IRAG2: variants seen among roughly 807,000 people sequenced by gnomAD.
IRAG2 encodes the protein inositol 1,4,5-triphosphate receptor associated 2.
IRAG2 carries 45 observed loss-of-function variants against 69.9 expected under a neutral mutation model. The ratio of observed to expected loss-of-function variants is 0.64; its 90% CI spans 0.51 to 0.83. The LOEUF (loss-of-function observed/expected upper bound fraction) is 0.83, where lower values mean the gene tolerates loss of function less well. Ranked by LOEUF, IRAG2 falls within the 40% of genes least tolerant of loss-of-function variation. IRAG2 has a pLI of 0.00. For missense variants in IRAG2, 520 were observed against 587.0 expected (o/e 0.89, Z 1.18); for synonymous variants, 193 against 202.4 (o/e 0.95, Z 0.40).
exon 14 of IRAG2, chr12:25,035,742 G>A (rs1157277833): frequency 2.5e-6 from 1 of 398,914 alleles, no homozygotes; most frequent in Non-Finnish European, 4.4e-6. Flanking sequence ...TACTAAGAGA[G>A]CCCGCACAGA....
chr12:25,090,313 A>G, intron 14 of IRAG2, 116 bp downstream of exon 14: 1 of 926,022 alleles, frequency 1.1e-6, no homozygotes. Context: ...AGACCAAGGC[A>G]GGAGGATCAC....
chr12:25,051,126 A>T (rs1168166893), upstream of IRAG2, among the ~76,000 whole-genome samples: 1 of 152,170 alleles, frequency 6.6e-6, no homozygotes, highest in Non-Finnish European at 1.5e-5. Flanking sequence ...CTCCTGTTAA[A>T]TGTTCCTGCC....
intron 4 of IRAG2, among the ~76,000 whole-genome samples, chr12:25,065,714 C>G (rs1045053239): frequency 6.6e-6 from 1 of 152,148 alleles, no homozygotes; most frequent in African/African-American, 2.4e-5. Flanking sequence ...CAGGGTCTCA[C>G]TTTGTCATTT....
chr12:25,004,678 A>T, exon 1 of IRAG2: 1 of 1,232,194 alleles, frequency 8.1e-7, no homozygotes, highest in Non-Finnish European at 1.0e-6. Flanking sequence ...ATACTCTGTT[A>T]TTCTCACAAG....
At chr12:25,008,854 A>G (rs1213195635) in intron 2 of IRAG2, among the ~76,000 whole-genome samples, 1 of 152,156 alleles carries the variant, frequency 6.6e-6, no homozygotes, top group African/African-American at 2.4e-5. Flanking sequence ...AGTATGTGTG[A>G]GAATGTTTTC....
intron 14 of IRAG2, among the ~76,000 whole-genome samples, chr12:25,096,406 G>A: frequency 6.6e-6 from 1 of 152,138 alleles, no homozygotes; most frequent in East Asian, 1.9e-4. Context: ...TGTTCATCAG[G>A]AAGGGCATCA....
At position 25,101,344 on chromosome 12, in the gene IRAG2, A is replaced by G; in HGVS notation, c.889+19A>G. On this transcript the variant is annotated intron_variant, in intron 16 of 21. Coordinates refer to ENST00000556887, the MANE Select transcript of IRAG2 (RefSeq NM_001366544.2). ...GATGATGGTAATAAAAGTTTATGAT[A>G]ATAGTATTAGTTGTGTTTTTCTACA... is the stretch of plus-strand genomic sequence containing the variant. 1 of 1,557,524 alleles carries G rather than the reference A, an allele frequency of 6.4e-7. No homozygotes were observed. Among genetic ancestry groups the G allele is most frequent in the Non-Finnish European group, 8.7e-7 (1 of 1,147,026 alleles).
chr12:25,087,240 T>C (rs899682760), intron 10 of IRAG2, among the ~76,000 whole-genome samples: 2 of 145,424 alleles, frequency 1.4e-5, no homozygotes, highest in Non-Finnish European at 3.0e-5. Context: ...TGATCTCGGT[T>C]CACTGCAACC....
At chr12:25,015,688 G>C (rs1436123800) in intron 5 of IRAG2, among the ~76,000 whole-genome samples, 1 of 152,154 alleles carries the variant, frequency 6.6e-6, no homozygotes, top group Non-Finnish European at 1.5e-5. Flanking sequence ...TTAATTTCCT[G>C]TGCTTTCTGT....
intron 9 of IRAG2, among the ~76,000 whole-genome samples, chr12:25,081,509 C>G (rs1947214764): frequency 6.6e-6 from 1 of 152,138 alleles, no homozygotes. Context: ...TGGTTGACAG[C>G]AGGTAACTGA....
chr12:25,104,193 G>C, intron 19 of IRAG2, 135 bp downstream of exon 19: 1 of 877,678 alleles, frequency 1.1e-6, no homozygotes, highest in South Asian at 1.7e-5. Flanking sequence ...TATATAAATT[G>C]GTATCTAATT....
intron 9 of IRAG2, among the ~76,000 whole-genome samples, chr12:25,082,845 G>C (rs1389610731): frequency 6.6e-6 from 1 of 152,140 alleles, no homozygotes; most frequent in Non-Finnish European, 1.5e-5. Flanking sequence ...ACAATGGACT[G>C]AGTAAACAGG....
intron 2 of IRAG2, among the ~76,000 whole-genome samples, chr12:25,010,309 T>C (rs1944464377): frequency 6.6e-6 from 1 of 152,174 alleles, no homozygotes; most frequent in South Asian, 2.1e-4. Flanking sequence ...GAATCCCATC[T>C]GTACAAAAAA....
chr12:25,003,418 A>T (rs537987940), upstream of IRAG2, among the ~76,000 whole-genome samples: 1 of 151,956 alleles, frequency 6.6e-6, no homozygotes, highest in Non-Finnish European at 1.5e-5. Context: ...TGACACCTTC[A>T]TGGCTCACTG....
At chr12:25,060,194 TG>T (rs1183696363) in intron 1 of IRAG2, among the ~76,000 whole-genome samples, 1 of 151,710 alleles carries the variant, frequency 6.6e-6, no homozygotes, top group Non-Finnish European at 1.5e-5. Flanking sequence ...TGAGTTGAAG[TG>T]TGAGGTTTGC....
upstream of IRAG2, among the ~76,000 whole-genome samples, chr12:25,048,394 T>G (rs1316307413): frequency 1.3e-5 from 2 of 152,120 alleles, no homozygotes; most frequent in Non-Finnish European, 1.5e-5. Flanking sequence ...CCTCCCAGGT[T>G]CAAGCGATTC....
chr12:25,090,967 G>C, intron 14 of IRAG2: 2 of 394,676 alleles, frequency 5.1e-6, no homozygotes, highest in Non-Finnish European at 1.0e-5. Context: ...GCCTGCTGTA[G>C]GGTACTGAGA....
chr12:25,082,181 T>C (rs550871962), intron 9 of IRAG2, among the ~76,000 whole-genome samples: 55 of 152,288 alleles, frequency 3.6e-4, no homozygotes, highest in African/African-American at 1.3e-3. Flanking sequence ...TAACATTGTG[T>C]CTAGGGAGAT....
rs146197793 is a variant in IRAG2 at position 25,029,933 on chromosome 12, C to G, written c.1462-345C>G. Reference sequence around the variant, plus strand: ...TTGTATCTAGACTTTTTATTTTCACCAAAAAAGTGAAGATTCTGAACATTC... The same window carrying G: ...TTGTATCTAGACTTTTTATTTTCACGAAAAAAGTGAAGATTCTGAACATTC... On this transcript the variant is annotated intron_variant, in intron 9 of 38. Coordinates refer to the IRAG2 transcript ENST00000636465. Among the ~76,000 whole-genome samples, 610 of 152,098 alleles carry G rather than the reference C, an allele frequency of 4.0e-3. 3 individuals carry two copies. Among genetic ancestry groups the G allele is most frequent in the Admixed American group, 7.1e-3 (108 of 15,272 alleles).
Sources: allele counts gnomAD v4.1 joint callset (sites outside exome capture counted in the v4.1 genomes callset), GRCh38; gene constraint gnomAD v4.1.1; transcripts MANE v1.5; gene names NCBI Gene and HGNC (gene_info 2026-07-23, HGNC 2026-07-21).